The following FHOD3 variants were observed in gnomAD, a reference collection of about 807,000 sequenced individuals.
FHOD3 encodes the protein FH1/FH2 domain-containing protein 3.
FHOD3 carries 90 observed loss-of-function variants against 173.0 expected under a neutral mutation model. That is an observed-to-expected ratio of 0.52 (90% CI 0.44 to 0.62). The LOEUF is 0.62. FHOD3 is among the 20% of genes least tolerant of loss of function. The probability of loss-of-function intolerance (pLI) is 0.00; values close to 1 mark genes in which losing one functional copy is unlikely to be tolerated. For missense variants in FHOD3, 1,945 were observed against 2,034.7 expected (o/e 0.96, Z 0.85); for synonymous variants, 828 against 823.0 (o/e 1.01, Z -0.10).
chr18:36,527,408 G>A (rs1459318754), intron 5 of FHOD3, among the ~76,000 whole-genome samples: 1 of 152,204 alleles, frequency 6.6e-6, no homozygotes, highest in Non-Finnish European at 1.5e-5. Flanking sequence ...GATAGTAGCA[G>A]TGCATCCTGT....
At chr18:36,545,478 G>A (rs2057377611) in intron 5 of FHOD3, among the ~76,000 whole-genome samples, 1 of 152,196 alleles carries the variant, frequency 6.6e-6, no homozygotes, top group South Asian at 2.1e-4. Context: ...CATCCAAAAT[G>A]TAAAAAGCAA....
chr18:36,446,648 T>C (rs2051494842), intron 3 of FHOD3, among the ~76,000 whole-genome samples: 1 of 151,928 alleles, frequency 6.6e-6, no homozygotes, highest in Admixed American at 6.6e-5. Flanking sequence ...CTGTCCAAGG[T>C]TGGTCCTGGA....
chr18:36,425,924 G>A (rs1427710763), intron 3 of FHOD3, among the ~76,000 whole-genome samples: 5 of 147,756 alleles, frequency 3.4e-5, no homozygotes, highest in Non-Finnish European at 5.9e-5. Flanking sequence ...TTTTCGAGAC[G>A]AAATCTTGCT....
At chr18:36,364,243 A>C (rs1007157937) in intron 2 of FHOD3, among the ~76,000 whole-genome samples, 1 of 152,192 alleles carries the variant, frequency 6.6e-6, no homozygotes, top group Non-Finnish European at 1.5e-5. Flanking sequence ...TTTCTTGTAT[A>C]AGATTCCAAA....
chr18:36,635,137 G>T (rs1223810022), intron 10 of FHOD3, among the ~76,000 whole-genome samples: 2 of 152,224 alleles, frequency 1.3e-5, no homozygotes, highest in African/African-American at 4.8e-5. Flanking sequence ...AAGGCTGGGA[G>T]AGTGGGCTTG....
chr18:36,704,214 C>A (rs1284336331), intron 17 of FHOD3, among the ~76,000 whole-genome samples: 2 of 152,212 alleles, frequency 1.3e-5, no homozygotes, highest in Non-Finnish European at 2.9e-5. Flanking sequence ...GCCCTCGGAG[C>A]CAGGTCAGTG....
At chr18:36,459,474 A>G (rs1370055687) in intron 3 of FHOD3, among the ~76,000 whole-genome samples, 1 of 152,036 alleles carries the variant, frequency 6.6e-6, no homozygotes, top group Non-Finnish European at 1.5e-5. Flanking sequence ...ACCTTGGGGT[A>G]GTTGTTATTG....
chr18:36,661,202 C>T (rs753944574), intron 14 of FHOD3, among the ~76,000 whole-genome samples: 1 of 151,388 alleles, frequency 6.6e-6, no homozygotes, highest in Non-Finnish European at 1.5e-5. Flanking sequence ...ACATCAGTTG[C>T]ACTTATGATA....
At chr18:36,414,194 A>G (rs1327456106) in intron 3 of FHOD3, among the ~76,000 whole-genome samples, 4 of 152,212 alleles carry the variant, frequency 2.6e-5, no homozygotes, top group South Asian at 2.1e-4. Context: ...AGGACCCGTC[A>G]TGTATCAAGC....
At chr18:36,340,074 G>A (rs1190696693) in intron 1 of FHOD3, among the ~76,000 whole-genome samples, 1 of 152,096 alleles carries the variant, frequency 6.6e-6, no homozygotes, top group African/African-American at 2.4e-5. Flanking sequence ...CATATGTTTA[G>A]TTTCTTTATA....
At chr18:36,546,129 G>A (rs2057401603) in intron 5 of FHOD3, among the ~76,000 whole-genome samples, 1 of 152,208 alleles carries the variant, frequency 6.6e-6, no homozygotes, top group Non-Finnish European at 1.5e-5. Flanking sequence ...TGTATGGGAA[G>A]AAGAAATCCC....
chr18:36,640,581 T>G (rs1299589589), intron 10 of FHOD3, among the ~76,000 whole-genome samples: 1 of 152,224 alleles, frequency 6.6e-6, no homozygotes, highest in Non-Finnish European at 1.5e-5. Flanking sequence ...ATGAATATCT[T>G]ATATGTCCTA....
intron 5 of FHOD3, among the ~76,000 whole-genome samples, chr18:36,547,330 A>G (rs527961670): frequency 6.6e-6 from 1 of 152,372 alleles, no homozygotes; most frequent in Admixed American, 6.5e-5. Flanking sequence ...GACTCACAGG[A>G]GAGCCACCAA....
intron 3 of FHOD3, among the ~76,000 whole-genome samples, chr18:36,444,411 T>C (rs1171008086): frequency 6.6e-6 from 1 of 152,062 alleles, no homozygotes; most frequent in African/African-American, 2.4e-5. Context: ...TTGATTTTAA[T>C]TGTTTATTTT....
chr18:36,310,497 C>A (rs1748744748), intron 1 of FHOD3, among the ~76,000 whole-genome samples: 1 of 151,846 alleles, frequency 6.6e-6, no homozygotes, highest in Admixed American at 6.6e-5. Flanking sequence ...ACCAGCCTGG[C>A]CAACATGGCG....
intron 3 of FHOD3, among the ~76,000 whole-genome samples, chr18:36,426,817 C>T (rs1027049453): frequency 7.9e-5 from 12 of 152,176 alleles, no homozygotes; most frequent in African/African-American, 2.9e-4. Flanking sequence ...GTGACTGGTT[C>T]TGTTATTATC....
chr18:36,722,070 T>C (rs1304493204), intron 19 of FHOD3, among the ~76,000 whole-genome samples: 1 of 152,218 alleles, frequency 6.6e-6, no homozygotes, highest in African/African-American at 2.4e-5. Context: ...AAATAGTTTC[T>C]GGAATTGGAT....
At chr18:36,326,307 T>G (rs974110067) in intron 1 of FHOD3, among the ~76,000 whole-genome samples, 5 of 152,238 alleles carry the variant, frequency 3.3e-5, no homozygotes, top group African/African-American at 1.2e-4. Context: ...ACCAGATAAG[T>G]TAAAAACTTA....
At chr18:36,421,960 T>C (rs956572280) in intron 3 of FHOD3, among the ~76,000 whole-genome samples, 1 of 152,228 alleles carries the variant, frequency 6.6e-6, no homozygotes, top group Non-Finnish European at 1.5e-5. Context: ...GTTTCAACAA[T>C]GTATACAAAC....
Sources: allele counts gnomAD v4.1 joint callset (sites outside exome capture counted in the v4.1 genomes callset), GRCh38; gene constraint gnomAD v4.1.1; transcripts MANE v1.5; gene names NCBI Gene and HGNC (gene_info 2026-07-23, HGNC 2026-07-21).